The following SEMA3C variants were observed in gnomAD, a reference collection of about 807,000 sequenced individuals.
The protein encoded by SEMA3C is semaphorin-3C.
SEMA3C carries 47 observed loss-of-function variants against 89.4 expected under a neutral mutation model. The ratio of observed to expected loss-of-function variants is 0.53; its 90% CI spans 0.42 to 0.67. SEMA3C has a LOEUF of 0.67. Among genes scored for constraint, SEMA3C ranks in the 30% least tolerant of loss-of-function variants. SEMA3C has a pLI of 0.00. For synonymous variants in SEMA3C, 310 were observed against 320.2 expected, an observed-to-expected ratio of 0.97 and a Z score of 0.34; for missense variants, 839 against 929.1, an observed-to-expected ratio of 0.90 and a Z score of 1.26.
At chr7:80,796,242 T>C (rs1009585607) in intron 11 of SEMA3C, 1 of 152,204 alleles carries the variant, frequency 6.6e-6, no homozygotes, top group Non-Finnish European at 1.5e-5. Context: ...AAGTATATTT[T>C]TCTCTGAAAA....
At chr7:80,818,080 A>G (rs1789653013) in intron 5 of SEMA3C, among the ~76,000 whole-genome samples, 1 of 151,876 alleles carries the variant, frequency 6.6e-6, no homozygotes, top group Non-Finnish European at 1.5e-5. Context: ...ACACACACAC[A>G]TATAATACAC....
rs543709729 is a variant in SEMA3C at position 80,814,932 on chromosome 7, C to T, written c.447+3367G>A. Among the ~76,000 whole-genome samples, 3 of 152,132 alleles carry T rather than the reference C, an allele frequency of 2.0e-5. No homozygotes were observed. In the South Asian group the frequency reaches 6.2e-4, roughly 32 times the overall value. On this transcript the variant is annotated intron_variant, in intron 5 of 17. Coordinates refer to ENST00000265361, the MANE Select transcript of SEMA3C (RefSeq NM_006379.5). ...CTAATCTCCTACAACTTTTCCACCC[C>T]CCACGCACCGTGCCACAAATCATCT...
intron 5 of SEMA3C, among the ~76,000 whole-genome samples, chr7:80,815,603 T>C (rs1194296032): frequency 8.7e-6 from 1 of 115,150 alleles, no homozygotes; most frequent in African/African-American, 3.2e-5. Context: ...AATGAAGATA[T>C]AAAACAGAGT....
intron 2 of SEMA3C, among the ~76,000 whole-genome samples, chr7:80,865,550 G>A (rs1240121554): frequency 6.6e-6 from 1 of 152,130 alleles, no homozygotes; most frequent in Non-Finnish European, 1.5e-5. Context: ...CACTTTGGGA[G>A]GCCAAGGCAG....
chr7:80,778,418 G>C (rs776466506), intron 12 of SEMA3C, among the ~76,000 whole-genome samples: 6 of 152,118 alleles, frequency 3.9e-5, no homozygotes, highest in Non-Finnish European at 8.8e-5. Flanking sequence ...ATCCTTTACT[G>C]TTTGGGGAGA....
intron 2 of SEMA3C, among the ~76,000 whole-genome samples, chr7:80,880,834 A>C (rs1583974090): frequency 1.3e-5 from 2 of 152,182 alleles, no homozygotes; most frequent in East Asian, 3.9e-4. Flanking sequence ...CTGAGACAGA[A>C]GAATCGCTTA....
intron 2 of SEMA3C, among the ~76,000 whole-genome samples, chr7:80,843,383 T>G (rs1375516933): frequency 6.6e-6 from 1 of 152,202 alleles, no homozygotes; most frequent in Non-Finnish European, 1.5e-5. Flanking sequence ...TTGTGTTGTT[T>G]TTTTTAGCTT....
At chr7:80,914,154 G>T (rs2116250730) in intron 2 of SEMA3C, among the ~76,000 whole-genome samples, 1 of 152,292 alleles carries the variant, frequency 6.6e-6, no homozygotes, top group South Asian at 2.1e-4. Context: ...ACACCTTTCA[G>T]TTGCTGATTT....
At chr7:80,858,826 C>G (rs536881473) in intron 2 of SEMA3C, among the ~76,000 whole-genome samples, 1 of 152,256 alleles carries the variant, frequency 6.6e-6, no homozygotes, top group African/African-American at 2.4e-5. Flanking sequence ...CTAGTTCCCA[C>G]TTTAAATAGA....
chr7:80,817,607 T>C (rs1413480514), intron 5 of SEMA3C, among the ~76,000 whole-genome samples: 1 of 145,966 alleles, frequency 6.9e-6, no homozygotes, highest in Non-Finnish European at 1.5e-5. Flanking sequence ...TCAACCAGCC[T>C]CATATTTGAC....
upstream of SEMA3C, among the ~76,000 whole-genome samples, chr7:80,921,342 G>C (rs1792405404): frequency 6.6e-6 from 1 of 152,124 alleles, no homozygotes; most frequent in African/African-American, 2.4e-5. Context: ...AATACTGATA[G>C]GCTTTAGCCA....
intron 4 of SEMA3C, among the ~76,000 whole-genome samples, chr7:80,820,764 G>T (rs1405808558): frequency 6.6e-6 from 1 of 152,138 alleles, no homozygotes; most frequent in Non-Finnish European, 1.5e-5. Context: ...AAAACACACA[G>T]ATGAGATATG....
At chr7:80,852,231 C>T (rs1362984839) in intron 2 of SEMA3C, among the ~76,000 whole-genome samples, 1 of 152,202 alleles carries the variant, frequency 6.6e-6, no homozygotes, top group Non-Finnish European at 1.5e-5. Context: ...GACACTCTCT[C>T]ATACACTGCT....
At chr7:80,886,481 G>T (rs1353312392) in intron 2 of SEMA3C, among the ~76,000 whole-genome samples, 2 of 151,788 alleles carry the variant, frequency 1.3e-5, no homozygotes, top group Non-Finnish European at 2.9e-5. Flanking sequence ...AGCCTTCTGA[G>T]TAGCTGGGAT....
At chr7:80,905,250 G>C (rs1471587940) in intron 2 of SEMA3C, among the ~76,000 whole-genome samples, 3 of 96,866 alleles carry the variant, frequency 3.1e-5, no homozygotes, top group Non-Finnish European at 6.0e-5. Context: ...GAGAGGGAGA[G>C]ATAGGGAGAG....
At chr7:80,890,208 T>A (rs1791578584) in intron 2 of SEMA3C, among the ~76,000 whole-genome samples, 1 of 152,046 alleles carries the variant, frequency 6.6e-6, no homozygotes. Context: ...TATGGGTCAA[T>A]CAAGGACAAG....
chr7:80,840,736 T>C (rs1348989670), intron 2 of SEMA3C, among the ~76,000 whole-genome samples: 1 of 151,982 alleles, frequency 6.6e-6, no homozygotes, highest in Non-Finnish European at 1.5e-5. Context: ...CAGAAAAATA[T>C]TAGACAGAAG....
chr7:80,807,771 T>C (rs1789376627), intron 6 of SEMA3C, among the ~76,000 whole-genome samples: 1 of 152,210 alleles, frequency 6.6e-6, no homozygotes, highest in African/African-American at 2.4e-5. Context: ...GGTCATTTAA[T>C]AGATATAAAT....
chr7:80,811,953 T>A (rs1789480052), intron 5 of SEMA3C, among the ~76,000 whole-genome samples: 1 of 152,166 alleles, frequency 6.6e-6, no homozygotes, highest in Admixed American at 6.5e-5. Context: ...TTGTTGTCCT[T>A]TTCACATTGC....
Sources: allele counts gnomAD v4.1 joint callset (sites outside exome capture counted in the v4.1 genomes callset), GRCh38; gene constraint gnomAD v4.1.1; transcripts MANE v1.5; gene names NCBI Gene and HGNC (gene_info 2026-07-23, HGNC 2026-07-21).